Variants in CSMD1 observed in about 807,000 individuals in gnomAD.
CSMD1 encodes CUB and sushi domain-containing protein 1.
CSMD1 carries 213 observed loss-of-function variants against 417.5 expected under a neutral mutation model. The ratio of observed to expected loss-of-function variants is 0.51; its 90% CI spans 0.46 to 0.57. CSMD1 has a LOEUF of 0.57. Among genes scored for constraint, CSMD1 ranks in the 20% least tolerant of loss-of-function variants. The pLI, the probability that CSMD1 is intolerant of heterozygous loss-of-function variation, is 0.00. For synonymous variants in CSMD1, 2,862 were observed against 1,736.8 expected, an observed-to-expected ratio of 1.65 and a Z score of -16.11; for missense variants, 6,923 against 4,529.7, an observed-to-expected ratio of 1.53 and a Z score of -15.17.
chr8:3,997,705 C>A (rs533927990), intron 5 of CSMD1, among the ~76,000 whole-genome samples, 198 bp downstream of exon 5: 2 of 152,230 alleles, frequency 1.3e-5, no homozygotes, highest in Admixed American at 1.3e-4. Flanking sequence ...CTCCAAACAC[C>A]AGCACAAAGA....
At chr8:4,730,620 A>G (rs1057306023) in intron 1 of CSMD1, among the ~76,000 whole-genome samples, 29 of 152,086 alleles carry the variant, frequency 1.9e-4, no homozygotes, top group Non-Finnish European at 2.9e-5. Flanking sequence ...GGGCGCCTGT[A>G]GTCCCAGCTA....
intron 3 of CSMD1, among the ~76,000 whole-genome samples, chr8:4,165,047 G>A (rs114646322): frequency 0.016 from 2,361 of 152,240 alleles, 57 homozygotes; most frequent in African/African-American, 0.048. Context: ...TGTATTGGTA[G>A]AGGCTGTGTA....
At chr8:4,388,140 C>G (rs1238961075) in intron 3 of CSMD1, among the ~76,000 whole-genome samples, 6 of 152,106 alleles carry the variant, frequency 3.9e-5, no homozygotes, top group African/African-American at 1.4e-4. Context: ...TATTTAAAAA[C>G]TTACTTCTAC....
At chr8:3,757,281 T>C (rs931746442) in intron 5 of CSMD1, among the ~76,000 whole-genome samples, 1 of 152,200 alleles carries the variant, frequency 6.6e-6, no homozygotes, top group African/African-American at 2.4e-5. Flanking sequence ...AGGGAGTACG[T>C]ACGTATTTCA....
chr8:3,844,636 C>T (rs754033363), intron 5 of CSMD1, among the ~76,000 whole-genome samples: 12 of 152,040 alleles, frequency 7.9e-5, no homozygotes, highest in African/African-American at 2.4e-4. Flanking sequence ...GGAAGGAGAA[C>T]GGTGGGTATG....
chr8:3,677,671 G>A (rs1053560152), intron 7 of CSMD1, among the ~76,000 whole-genome samples: 2 of 152,108 alleles, frequency 1.3e-5, no homozygotes, highest in East Asian at 3.8e-4. Flanking sequence ...CTATCCTTTA[G>A]GGCTCTTTGG....
intron 2 of CSMD1, among the ~76,000 whole-genome samples, chr8:4,610,869 T>C (rs1002295479): frequency 6.6e-6 from 1 of 152,152 alleles, no homozygotes; most frequent in East Asian, 1.9e-4. Flanking sequence ...TACGATTTCG[T>C]TTTTGAATCA....
Position 3,223,884 on chromosome 8 carries a change from G to T in CSMD1, c.4346-17C>A, listed in dbSNP as rs1275092001. 6.2e-7 allele frequency: 1 copy of T among 1,613,086 alleles called. No homozygotes were observed. The highest frequency in any genetic ancestry group is 1.1e-5 in the South Asian group (1 of 91,018). ...CACAAGCAGCTGTCACAGAACAAAA[G>T]TTACAGAGAAAAAGTAAGGACAGCG... On this transcript the variant is annotated splice_polypyrimidine_tract_variant and intron_variant, in intron 27 of 69. Transcript: ENST00000635120.
chr8:4,202,963 G>C (rs931452249), intron 3 of CSMD1, among the ~76,000 whole-genome samples: 1 of 152,102 alleles, frequency 6.6e-6, no homozygotes, highest in South Asian at 2.1e-4. Flanking sequence ...TGTGGGAGGA[G>C]AACGATTACC....
In CSMD1 at chr8:2,949,280, T is replaced by A. The variant is rs767372626; in HGVS notation, c.10402+19A>T. 7.1e-7 allele frequency: 1 copy of A among 1,405,494 alleles called. No homozygotes were observed. The highest frequency in any genetic ancestry group is 1.0e-6 in the Non-Finnish European group (1 of 996,982). 87.1% of individuals were successfully genotyped at this position (1,405,494 alleles called of 1,614,324 possible). On this transcript the variant is annotated intron_variant, in intron 68 of 69. Transcript: ENST00000635120. ...CCAAACTGATATTTGCTTTAAAATA[T>A]ATCCTAAGTGCAACTTACCTTGCCT...
chr8:3,096,492 C>T (rs982900331), intron 47 of CSMD1, among the ~76,000 whole-genome samples: 1 of 152,166 alleles, frequency 6.6e-6, no homozygotes, highest in African/African-American at 2.4e-5. Context: ...CTCATGCCTG[C>T]CGTCATCCAT....
intron 5 of CSMD1, among the ~76,000 whole-genome samples, chr8:3,987,006 C>T (rs755314943): frequency 1.3e-5 from 2 of 152,186 alleles, no homozygotes; most frequent in Non-Finnish European, 2.9e-5. Context: ...CCACCTGCCT[C>T]AGCCTCCCAA....
At position 4,479,513 on chromosome 8, in the gene CSMD1, C is replaced by A. The variant is rs146160764; in HGVS notation, c.303-59448G>T. 4.8e-3 allele frequency among the ~76,000 whole-genome samples: 732 copies of A among 152,282 alleles called. 5 individuals carry two copies. Among genetic ancestry groups the A allele is most frequent in the African/African-American group, 0.016 (656 of 41,556 alleles). ...TGGATTCTCAGTAGTTTCATAAATACCTTTGCCTCTTATTTACTCATTGAT... is the reference window on the plus strand; with the variant it reads ...TGGATTCTCAGTAGTTTCATAAATAACTTTGCCTCTTATTTACTCATTGAT... On this transcript the variant is annotated intron_variant, in intron 2 of 69. Coordinates refer to ENST00000635120, the MANE Select transcript of CSMD1 (RefSeq NM_033225.6).
At chr8:3,477,485 C>T (rs2117226556) in intron 11 of CSMD1, among the ~76,000 whole-genome samples, 1 of 152,254 alleles carries the variant, frequency 6.6e-6, no homozygotes, top group South Asian at 2.1e-4. Context: ...ACAGGGTGAG[C>T]TGGAGATTAA....
intron 2 of CSMD1, among the ~76,000 whole-genome samples, chr8:4,625,441 TGA>T (rs1802040349): frequency 1.3e-5 from 2 of 152,046 alleles, no homozygotes; most frequent in African/African-American, 2.4e-5. Flanking sequence ...CTTATTTTAA[TGA>T]GTCTACATTT....
At chr8:3,267,976 G>A (rs13278888) in intron 26 of CSMD1, among the ~76,000 whole-genome samples, 33,747 of 152,014 alleles carry the variant, frequency 0.22, 3,959 homozygotes, top group South Asian at 0.3. Flanking sequence ...ATTCCATGAA[G>A]ACAGGGTCAT....
intron 7 of CSMD1, among the ~76,000 whole-genome samples, chr8:3,620,779 T>G (rs139388781): frequency 2.0e-5 from 3 of 151,934 alleles, no homozygotes; most frequent in African/African-American, 7.3e-5. Context: ...CATATGAAAA[T>G]TGAATAACAA....
chr8:3,823,874 G>A (rs1240049437), intron 5 of CSMD1, among the ~76,000 whole-genome samples: 1 of 152,016 alleles, frequency 6.6e-6, no homozygotes, highest in East Asian at 1.9e-4. Flanking sequence ...ATACTTTTCT[G>A]ATCCTCAGTT....
At chr8:3,676,465 G>A (rs1435690336) in intron 7 of CSMD1, among the ~76,000 whole-genome samples, 3 of 152,162 alleles carry the variant, frequency 2.0e-5, no homozygotes, top group African/African-American at 7.2e-5. Flanking sequence ...ATTATTACAT[G>A]TTATATTGTA....
Sources: allele counts gnomAD v4.1 joint callset (sites outside exome capture counted in the v4.1 genomes callset), GRCh38; gene constraint gnomAD v4.1.1; transcripts MANE v1.5; gene names NCBI Gene and HGNC (gene_info 2026-07-23, HGNC 2026-07-21).